The following SETD2 variants were observed in gnomAD, a reference collection of about 807,000 sequenced individuals.
SETD2 encodes SET domain containing 2, histone lysine methyltransferase.
SETD2 carries 31 observed loss-of-function variants against 242.1 expected under a neutral mutation model. The observed-to-expected ratio is 0.13, with a 90% CI of 0.10 to 0.17. SETD2 has a LOEUF of 0.17. SETD2 is among the 10% of genes least tolerant of loss of function. The pLI is 1.00. For synonymous variants in SETD2, 1,006 were observed against 1,066.5 expected, an observed-to-expected ratio of 0.94 and a Z score of 1.11; for missense variants, 2,481 against 3,046.3, an observed-to-expected ratio of 0.81 and a Z score of 4.37.
At chr3:47,153,772 G>C (rs202123613) in intron 1 of SETD2, among the ~76,000 whole-genome samples, 4 of 147,942 alleles carry the variant, frequency 2.7e-5, no homozygotes, top group South Asian at 2.1e-4. Context: ...AAAAAAAAAA[G>C]AGATCCCACT....
At chr3:47,038,805 G>A (rs1024355077) in intron 17 of SETD2, among the ~76,000 whole-genome samples, 3 of 152,120 alleles carry the variant, frequency 2.0e-5, no homozygotes, top group Admixed American at 6.6e-5. Context: ...GGATATTCAC[G>A]TTCAGGAGTC....
At chr3:47,077,633 C>A (rs1488974944) in intron 12 of SETD2, among the ~76,000 whole-genome samples, 2 of 152,102 alleles carry the variant, frequency 1.3e-5, no homozygotes, top group African/African-American at 4.8e-5. Flanking sequence ...AATCTACTGA[C>A]GGGTCCTAGA....
At position 47,121,408 on chromosome 3, in the gene SETD2, A is replaced by C; in HGVS notation, c.3228T>G (p.Ser1076=). Reference sequence around the variant, plus strand: ...GACTTGTTTCTTCCATGGGCAAAGTAGAATTCTTTGGCACAACCACAACAG... The same window carrying C: ...GACTTGTTTCTTCCATGGGCAAAGTCGAATTCTTTGGCACAACCACAACAG... ...LQSVVVVPKN[S]TLPMEETSPC... is the part of the protein sequence containing the mutation. The change falls in exon 3 of 21, where the codon TCT becomes TCG. Residue 1076 remains serine, a synonymous_variant. Transcript: ENST00000409792. 6.2e-7 allele frequency: 1 copy of C among 1,610,772 alleles called. No individual in the cohort carries two copies. The highest frequency in any genetic ancestry group is 1.3e-5 in the African/African-American group (1 of 75,056).
chr3:47,017,002 C>T lies in SETD2; in HGVS notation c.*91G>A. 7.8e-7 allele frequency: 1 copy of T among 1,278,372 alleles called. No individual in the cohort carries two copies. Among genetic ancestry groups the T allele is most frequent in the Non-Finnish European group, 1.1e-6 (1 of 890,248 alleles). The allele number at this position is 1,278,372 out of a possible 1,614,324, so 79.2% of individuals were successfully genotyped here. A position where few individuals can be genotyped will look rare whatever the true frequency, so the allele number is the denominator to read the frequency against. The stretch of plus-strand genomic sequence containing the variant: ...GTGATGTATCATCAGTAGCACAGTG[C>T]TGACAGGGGTGGGACAGAAAGGCCC... On this transcript the variant is annotated 3_prime_UTR_variant, in exon 21 of 21. Transcript: ENST00000409792. This position sits in a 1 kb window ranked among gnomAD's most constrained non-coding sequence, Gnocchi z 4.8.
chr3:47,085,663 T>C (rs992261187), intron 11 of SETD2, among the ~76,000 whole-genome samples: 1 of 152,226 alleles, frequency 6.6e-6, no homozygotes, highest in Non-Finnish European at 1.5e-5. Flanking sequence ...GGGATTATAT[T>C]ACAAATTAGA....
In SETD2 at chr3:47,123,432, G is replaced by A. The variant is rs779483918; in HGVS notation, c.1204C>T (p.Arg402Trp). 2.4e-5 allele frequency: 37 copies of A among 1,551,378 alleles called. 1 individual carries two copies. Among genetic ancestry groups the A allele is most frequent in the South Asian group, 1.9e-4 (16 of 84,052 alleles). The change falls in exon 3 of 21, where the codon CGG becomes TGG. Residue 402 changes from arginine (R) to tryptophan (W), a missense_variant. By Grantham distance (101) the Arg-to-Trp change is moderately radical. This residue lies in a region of SETD2 where 1,300 missense variants were observed against 1,259.2 expected (regional missense o/e 1.03). Transcript: ENST00000409792. The stretch of plus-strand genomic sequence containing the variant: ...TCAGACCTAGAGTGAGATCTGCTCC[G>A]CCGTCGCTCTCTTTCTGATCTACAT... ...SRCRSERERR[R>W]SRSHSRSERG...
intron 18 of SETD2, among the ~76,000 whole-genome samples, chr3:47,026,030 G>T (rs1367994887): frequency 2.0e-5 from 3 of 152,074 alleles, no homozygotes; most frequent in Middle Eastern, 3.2e-3. Flanking sequence ...CCTACAGAAT[G>T]GGAGAAAATT....
chr3:47,095,407 T>G (rs1228679294), intron 9 of SETD2, among the ~76,000 whole-genome samples: 1 of 152,256 alleles, frequency 6.6e-6, no homozygotes, highest in Non-Finnish European at 1.5e-5. Flanking sequence ...GGGCTGAGAT[T>G]ACAGGCGTGA....
At chr3:47,096,843 T>C (rs1215831820) in intron 9 of SETD2, among the ~76,000 whole-genome samples, 1 of 152,156 alleles carries the variant, frequency 6.6e-6, no homozygotes, top group Non-Finnish European at 1.5e-5. Context: ...TTCCAATGCA[T>C]TTGTTCATGT....
At chr3:47,110,227 G>A (rs1007902487) in intron 5 of SETD2, among the ~76,000 whole-genome samples, 2 of 152,064 alleles carry the variant, frequency 1.3e-5, no homozygotes, top group Non-Finnish European at 2.9e-5. Context: ...TCAACCCACA[G>A]AAACAGACAG....
At chr3:47,066,628 T>C (rs1401662185) in intron 13 of SETD2, among the ~76,000 whole-genome samples, 1 of 152,026 alleles carries the variant, frequency 6.6e-6, no homozygotes, top group East Asian at 1.9e-4. Context: ...GGATTACAGG[T>C]GTGAGCCACC....
chr3:47,129,701 C>T (rs762926544), intron 1 of SETD2, among the ~76,000 whole-genome samples: 1 of 152,064 alleles, frequency 6.6e-6, no homozygotes. Flanking sequence ...CCCTGCCCAA[C>T]GTGGGGAAAC....
At chr3:47,072,142 A>T (rs1474346577) in intron 12 of SETD2, among the ~76,000 whole-genome samples, 1 of 150,720 alleles carries the variant, frequency 6.6e-6, no homozygotes, top group Non-Finnish European at 1.5e-5. Context: ...CCCCGTCTCT[A>T]CCAAAAATAC....
chr3:47,151,649 G>A (rs1431534686), intron 1 of SETD2, among the ~76,000 whole-genome samples: 2 of 151,964 alleles, frequency 1.3e-5, no homozygotes, highest in Non-Finnish European at 2.9e-5. Flanking sequence ...CCAACATAGT[G>A]AAACTCCATC....
intron 18 of SETD2, among the ~76,000 whole-genome samples, chr3:47,036,578 C>T (rs765204969): frequency 1.3e-5 from 2 of 151,664 alleles, no homozygotes; most frequent in African/African-American, 2.4e-5. Flanking sequence ...AGACCAATCA[C>T]GAAAGCATAT....
chr3:47,106,170 GA>G (rs1480103850), intron 5 of SETD2, 50 bp from the exon 6 acceptor site: 3 of 1,560,844 alleles, frequency 1.9e-6, no homozygotes, highest in Non-Finnish European at 2.6e-6. Flanking sequence ...GAGCAGTAGG[GA>G]AAACATATAT....
intron 12 of SETD2, among the ~76,000 whole-genome samples, chr3:47,077,685 AT>A (rs1478290671): frequency 6.6e-6 from 1 of 152,216 alleles, no homozygotes; most frequent in East Asian, 1.9e-4. Flanking sequence ...GAATCCAGAT[AT>A]TGGTTTCAAA....
At chr3:47,112,543 A>C (rs1376279016) in intron 5 of SETD2, among the ~76,000 whole-genome samples, 1 of 151,734 alleles carries the variant, frequency 6.6e-6, no homozygotes, top group Non-Finnish European at 1.5e-5. Flanking sequence ...CGGCCTCCCA[A>C]AGTGCTGGGA....
intron 11 of SETD2, among the ~76,000 whole-genome samples, chr3:47,085,166 TAAGA>T (rs1428139588): frequency 2.0e-4 from 31 of 152,328 alleles, no homozygotes; most frequent in Admixed American, 2.0e-3. Flanking sequence ...TTGTTTTCCT[TAAGA>T]AAGAAAAACT....
Sources: gnomAD v4.1 joint callset for allele counts (sites outside exome capture counted in the v4.1 genomes callset) on GRCh38, gnomAD v4.1.1 for gene constraint, gnomAD v4.1.1 regional missense constraint, Gnocchi (gnomAD v3.1) non-coding constraint, MANE v1.5 for transcripts, NCBI Gene and HGNC (gene_info 2026-07-23, HGNC 2026-07-21) for gene names.